Variants in CARMIL1 observed in about 807,000 individuals in gnomAD.
The protein encoded by CARMIL1 is capping protein regulator and myosin 1 linker 1, also known as F-actin-uncapping protein LRRC16A.
Under a neutral mutation model 177.1 loss-of-function variants are expected in CARMIL1, and 90 were observed. The observed-to-expected ratio is 0.51, with a 90% confidence interval of 0.43 to 0.61. The LOEUF is 0.61. Among genes scored for constraint, CARMIL1 ranks in the 20% least tolerant of loss-of-function variants. CARMIL1 has a pLI of 0.00. For missense variants in CARMIL1, 1,380 were observed against 1,667.0 expected (o/e 0.83, Z 3.00); for synonymous variants, 577 against 606.2 (o/e 0.95, Z 0.71).
At chr6:25,346,824 A>G (rs1391827752) in intron 2 of CARMIL1, among the ~76,000 whole-genome samples, 1 of 152,236 alleles carries the variant, frequency 6.6e-6, no homozygotes, top group Non-Finnish European at 1.5e-5. Context: ...GTTCCCTCTT[A>G]AAGTATATTT....
intron 13 of CARMIL1, among the ~76,000 whole-genome samples, chr6:25,489,796 C>T (rs1239654742): frequency 1.3e-5 from 2 of 152,094 alleles, no homozygotes; most frequent in South Asian, 2.1e-4. Flanking sequence ...TGGTGTGCCA[C>T]GATTTTTCAA....
rs939606957 is a variant in CARMIL1, at chr6:25,326,111, G to A, written c.138+41202G>A. On this transcript the variant is annotated intron_variant, in intron 2 of 36. Transcript: ENST00000329474. The surrounding 1 kb of genome is among the most constrained non-coding windows in gnomAD (Gnocchi z 4.2). ...TGTCGATTTCCTGACCTCGTGATCCGCCCACCTCAGCCTCCCAAAATGCTG... is the reference window on the plus strand; with the variant it reads ...TGTCGATTTCCTGACCTCGTGATCCACCCACCTCAGCCTCCCAAAATGCTG... Among the ~76,000 whole-genome samples the A allele has an allele frequency of 1.3e-5, 2 of 152,084 alleles. No homozygotes were observed. Among genetic ancestry groups the A allele is most frequent in the South Asian group, 2.1e-4 (1 of 4,822 alleles).
At chr6:25,303,238 C>G (rs190334959) in intron 2 of CARMIL1, among the ~76,000 whole-genome samples, 70 of 151,830 alleles carry the variant, frequency 4.6e-4, no homozygotes, top group Non-Finnish European at 8.7e-4. Context: ...AATTATAATG[C>G]GTGATTTTAT....
chr6:25,390,320 A>ATATTTTT (rs1554184839), intron 2 of CARMIL1, among the ~76,000 whole-genome samples: 68 of 58,100 alleles, frequency 1.2e-3, no homozygotes, highest in Non-Finnish European at 1.4e-3. Context: ...ATATATATAT[A>ATATTTTT]TTTTTTTTTT....
chr6:25,609,395 G>A (rs754575517), intron 35 of CARMIL1, among the ~76,000 whole-genome samples: 37 of 151,984 alleles, frequency 2.4e-4, no homozygotes, highest in Non-Finnish European at 4.1e-4. Context: ...AGACCCAGGA[G>A]GCGGAGGTTG....
chr6:25,350,652 A>G (rs1788020459), intron 2 of CARMIL1: 1 of 152,196 alleles, frequency 6.6e-6, no homozygotes, highest in African/African-American at 2.4e-5. Flanking sequence ...CTTGACAAGG[A>G]GTTATTGAAG....
chr6:25,515,873 C>A lies in CARMIL1; in HGVS notation c.1805+26C>A. Reference sequence around the variant, plus strand: ...GTAGGCAGATCCCACCCTCCCTGCTCATGAGGAAGGCTTGGAGCAGATTCC... The same window carrying A: ...GTAGGCAGATCCCACCCTCCCTGCTAATGAGGAAGGCTTGGAGCAGATTCC... On this transcript the variant is annotated intron_variant, in intron 21 of 36. Transcript: ENST00000329474. The surrounding 1 kb of genome is among the most constrained non-coding windows in gnomAD (Gnocchi z 5.0). The A allele has an allele frequency of 6.4e-7, 1 of 1,573,540 alleles. No homozygotes were observed. Among genetic ancestry groups the A allele is most frequent in the East Asian group, 2.3e-5 (1 of 42,752 alleles).
intron 20 of CARMIL1, among the ~76,000 whole-genome samples, chr6:25,511,481 G>A (rs1805443608): frequency 1.3e-5 from 2 of 152,138 alleles, no homozygotes; most frequent in South Asian, 4.2e-4. Flanking sequence ...AGTCCTATTT[G>A]GTCACCAGAC....
intron 5 of CARMIL1, among the ~76,000 whole-genome samples, chr6:25,441,337 A>ATATATATGTGTGTGTGTGTGTG: frequency 6.3e-5 from 6 of 94,536 alleles, no homozygotes; most frequent in African/African-American, 1.7e-4. Context: ...ATATATATAT[A>ATATATATGTGTGTGTGTGTGTG]TGTGTGTGTG....
At chr6:25,539,625 CAAAAAAAAAAAAAAAA>C (rs11304932) in intron 25 of CARMIL1, among the ~76,000 whole-genome samples, 2 of 55,706 alleles carry the variant, frequency 3.6e-5, no homozygotes, top group Non-Finnish European at 6.2e-5. Flanking sequence ...AACTCCATCT[CAAAAAAAAAAAAAAAA>C]AAAAAAAAAA....
At chr6:25,495,377 A>G (rs1243334502) in intron 16 of CARMIL1, among the ~76,000 whole-genome samples, 162 bp downstream of exon 16, 2 of 152,224 alleles carry the variant, frequency 1.3e-5, no homozygotes, top group Non-Finnish European at 2.9e-5. Context: ...TTTAAAAAGT[A>G]CATTGTGCAC....
chr6:25,470,493 A>G (rs1269302532), intron 9 of CARMIL1, among the ~76,000 whole-genome samples: 2 of 152,234 alleles, frequency 1.3e-5, no homozygotes, highest in African/African-American at 2.4e-5. Flanking sequence ...AGCCTGGATT[A>G]GGTGCACCTA....
intron 36 of CARMIL1, among the ~76,000 whole-genome samples, chr6:25,612,030 C>T (rs976039251): frequency 2.0e-5 from 3 of 152,306 alleles, no homozygotes; most frequent in Admixed American, 1.3e-4. Flanking sequence ...GAATGGCTCA[C>T]GCTCCCTTCT....
At chr6:25,417,990 A>AC (rs1193454066) in intron 2 of CARMIL1, among the ~76,000 whole-genome samples, 2 of 151,650 alleles carry the variant, frequency 1.3e-5, no homozygotes, top group African/African-American at 4.8e-5. Flanking sequence ...GTACAGTTGC[A>AC]CAGGACACAT....
chr6:25,477,622 AATTTT>A (rs1801693578), intron 11 of CARMIL1, among the ~76,000 whole-genome samples: 1 of 143,982 alleles, frequency 6.9e-6, no homozygotes, highest in Admixed American at 7.0e-5. Flanking sequence ...CATGACAAGC[AATTTT>A]TTTTTTTTAA....
chr6:25,498,585 T>C (rs1378976572), intron 16 of CARMIL1, among the ~76,000 whole-genome samples: 1 of 152,186 alleles, frequency 6.6e-6, no homozygotes, highest in Non-Finnish European at 1.5e-5. Flanking sequence ...ATAAGCATCA[T>C]AAAAATGCAA....
intron 24 of CARMIL1, among the ~76,000 whole-genome samples, chr6:25,530,623 C>A (rs1807664707): frequency 1.3e-5 from 2 of 151,996 alleles, no homozygotes; most frequent in South Asian, 2.1e-4. Context: ...TATTTTGGAT[C>A]AAAAATTCTA....
intron 2 of CARMIL1, among the ~76,000 whole-genome samples, chr6:25,390,320 A>ATTTTTT (rs1287414586): frequency 3.4e-5 from 2 of 58,098 alleles, no homozygotes; most frequent in Non-Finnish European, 6.7e-5. Flanking sequence ...ATATATATAT[A>ATTTTTT]TTTTTTTTTT....
chr6:25,348,104 A>G (rs916110389), intron 2 of CARMIL1, among the ~76,000 whole-genome samples: 6 of 152,192 alleles, frequency 3.9e-5, no homozygotes, highest in Non-Finnish European at 8.8e-5. Context: ...TCTAGTTACA[A>G]AAGATCATCA....
Sources: gnomAD v4.1 joint callset for allele counts (sites outside exome capture counted in the v4.1 genomes callset) on GRCh38, gnomAD v4.1.1 for gene constraint, Gnocchi (gnomAD v3.1) non-coding constraint, MANE v1.5 for transcripts, NCBI Gene and HGNC (gene_info 2026-07-23, HGNC 2026-07-21) for gene names.